SCAP: variants seen among roughly 807,000 people sequenced by gnomAD.
SCAP encodes the protein sterol regulatory element-binding protein cleavage-activating protein.
In SCAP, 65 loss-of-function variants were observed where a neutral mutation model predicts 123.6. The observed-to-expected ratio is 0.53, with a 90% CI of 0.43 to 0.65. SCAP has a LOEUF of 0.65. Ranked by LOEUF, SCAP falls within the 30% of genes least tolerant of loss-of-function variation. The pLI is 0.00. For synonymous variants in SCAP, 740 were observed against 726.3 expected, an observed-to-expected ratio of 1.02 and a Z score of -0.30; for missense variants, 1,398 against 1,712.5, an observed-to-expected ratio of 0.82 and a Z score of 3.24.
rs1705671566 is a variant in SCAP, at chr3:47,417,846, A to AGTGAGACGGGGCACGGGGGAGGGGG, written c.2448-21_2448-20insCCCCCTCCCCCGTGCCCCGTCTCAC. 2 of 1,082,830 alleles carry AGTGAGACGGGGCACGGGGGAGGGGG rather than the reference A, an allele frequency of 1.8e-6. No individual in the cohort carries two copies. Among genetic ancestry groups the AGTGAGACGGGGCACGGGGGAGGGGG allele is most frequent in the Non-Finnish European group, 2.3e-6 (2 of 869,212 alleles). The allele number at this position is 1,082,830 out of a possible 1,614,324, so 67.1% of individuals were successfully genotyped here. ...TGCCTGCTGGGGGCCAGGAGGGCGG[A>AGTGAGACGGGGCACGGGGGAGGGGG]GTGAGAGGGGGCACGGGGGAGGGGG... On this transcript the variant is annotated intron_variant, in intron 16 of 22. Coordinates refer to ENST00000265565, the MANE Select transcript of SCAP (RefSeq NM_012235.4).
intron 1 of SCAP, among the ~76,000 whole-genome samples, chr3:47,444,895 C>A (rs1706968881): frequency 6.6e-6 from 1 of 151,888 alleles, no homozygotes; most frequent in African/African-American, 2.4e-5. Flanking sequence ...ACTCAGCCTC[C>A]CAAGTAGCTG....
rs17849132 is a variant in SCAP, at chr3:47,415,199, T to C, written c.3057-19A>G. 2,896 of 1,597,738 alleles carry C rather than the reference T, an allele frequency of 1.8e-3. 77 individuals carry two copies. In the East Asian group the frequency reaches 0.046, roughly 25 times the overall value. On this transcript the variant is annotated intron_variant, in intron 18 of 22. Transcript: ENST00000265565. ...CACAATCCTGGAAGAGAAGAACAGC[T>C]GCCAGGGGCCTCTCCCTTAGAGCCC...
chr3:47,460,424 G>A (rs1185033495), intron 1 of SCAP, among the ~76,000 whole-genome samples: 2 of 152,156 alleles, frequency 1.3e-5, no homozygotes, highest in Non-Finnish European at 2.9e-5. Flanking sequence ...ATTAATTTTG[G>A]GAACTGATAT....
rs1705494247 is a variant in SCAP at position 47,414,812 on chromosome 3, C to T, written c.3306+15G>A. 6.2e-7 allele frequency: 1 copy of T among 1,600,722 alleles called. No homozygotes were observed. Among genetic ancestry groups the T allele is most frequent in the Admixed American group, 1.7e-5 (1 of 59,250 alleles). On this transcript the variant is annotated intron_variant, in intron 20 of 22. Transcript: ENST00000265565. ...CCGGGCCACTCCAGCACCCAAGAGA[C>T]AAGACAATACTCACTCTCAGTGTGT...
chr3:47,454,235 C>T (rs1051000933), intron 1 of SCAP, among the ~76,000 whole-genome samples: 3 of 151,956 alleles, frequency 2.0e-5, no homozygotes, highest in Non-Finnish European at 4.4e-5. Context: ...GGCGAGGTGG[C>T]GGGCACCTGT....
intron 1 of SCAP, among the ~76,000 whole-genome samples, chr3:47,466,442 T>A (rs1026435713): frequency 1.3e-5 from 2 of 151,886 alleles, no homozygotes; most frequent in Admixed American, 6.6e-5. Flanking sequence ...GCACTACCCA[T>A]CTAACCTGAA....
chr3:47,437,551 G>A (rs2107883700), intron 2 of SCAP, among the ~76,000 whole-genome samples: 1 of 152,052 alleles, frequency 6.6e-6, no homozygotes, highest in East Asian at 1.9e-4. Flanking sequence ...GACCAGCCTG[G>A]GCAACATGGT....
intron 1 of SCAP, among the ~76,000 whole-genome samples, chr3:47,444,153 T>A (rs1256331361): frequency 6.6e-6 from 1 of 152,226 alleles, no homozygotes; most frequent in East Asian, 1.9e-4. Context: ...TAGAAAACTC[T>A]AGGAGGCCCA....
rs1706548042 is a variant in SCAP at position 47,435,597 on chromosome 3, C to CTGGT, written c.123-464_123-461dup. 3.3e-5 allele frequency among the ~76,000 whole-genome samples: 5 copies of CTGGT among 151,716 alleles called. No individual in the cohort carries two copies. The South Asian group carries it at 1.0e-3, about 32-fold the overall frequency. On this transcript the variant is annotated intron_variant, in intron 2 of 22. Transcript: ENST00000265565. The stretch of plus-strand genomic sequence containing the variant: ...ACGGGGTTTCATCATGTTGACCAGG[C>CTGGT]TGGTCTTAAAACTCCTGACCTCAGG...
chr3:47,426,010 G>C lies in SCAP; in HGVS notation c.897C>G (p.Ile299Met). 1 of 1,614,142 alleles carries C rather than the reference G, an allele frequency of 6.2e-7. No homozygotes were observed. The highest frequency in any genetic ancestry group is 8.5e-7 in the Non-Finnish European group (1 of 1,180,012). The change falls in exon 7 of 23, where the codon ATC becomes ATG. Residue 299 changes from isoleucine (I) to methionine (M), a missense_variant. Ile to Met is a conservative substitution (Grantham distance 10, BLOSUM62 1). Around this residue, in one of 7 missense-constraint regions of SCAP, gnomAD observed 319 missense variants for 432.4 expected, o/e 0.74. Transcript: ENST00000265565. The stretch of plus-strand genomic sequence containing the variant: ...CCATGAACCTACGCGTGGAGAAGTA[G>C]ATGTAGGCAAACAAGATGATGTAGG... ...VTTYIILFAY[I>M]YFSTRKIDMV...
At chr3:47,424,133 C>T in intron 8 of SCAP, 88 bp from the exon 9 acceptor site, 1 of 955,150 alleles carries the variant, frequency 1.0e-6, no homozygotes, top group Non-Finnish European at 1.7e-6. Context: ...GGTTTCCAGC[C>T]TGTCATGGGG....
chr3:47,461,051 C>T (rs1170299895), intron 1 of SCAP, among the ~76,000 whole-genome samples: 1 of 152,162 alleles, frequency 6.6e-6, no homozygotes, highest in Non-Finnish European at 1.5e-5. Context: ...CTTCCACCAC[C>T]TTATCTCCCA....
intron 1 of SCAP, among the ~76,000 whole-genome samples, chr3:47,468,965 G>A (rs372926488): frequency 6.6e-6 from 1 of 152,182 alleles, no homozygotes; most frequent in African/African-American, 2.4e-5. Context: ...TTTCTATGTA[G>A]AATAATGAAA....
chr3:47,421,004 C>A lies in SCAP; in HGVS notation c.1271G>T (p.Gly424Val). ...IQEFCLFAVV[G>V]LVSDFFLQML... ...CTGAAGGAAGAAGTCAGACACCAGC[C>A]CCACGACAGCAAAGAGACAGAACTC... is the stretch of plus-strand genomic sequence containing the variant. Residue 424 changes from glycine to valine, a missense_variant, in exon 11 of 23, where the codon GGG becomes GTG. Physicochemically the swap from Gly to Val is moderately radical, Grantham distance 109. Coordinates refer to ENST00000265565, the MANE Select transcript of SCAP (RefSeq NM_012235.4). 1 of 1,613,828 alleles carries A rather than the reference C, an allele frequency of 6.2e-7. No individual in the cohort carries two copies. The highest frequency in any genetic ancestry group is 2.2e-5 in the East Asian group (1 of 44,884).
At chr3:47,470,829 TCCAG>T (rs1473916466) in intron 1 of SCAP, among the ~76,000 whole-genome samples, 2 of 152,034 alleles carry the variant, frequency 1.3e-5, no homozygotes, top group African/African-American at 4.8e-5. Context: ...ACCACTGCAC[TCCAG>T]CCTGGGCGAC....
rs1305171538 is a variant in SCAP at position 47,451,054 on chromosome 3, T to C, written c.-98-7963A>G. Among the ~76,000 whole-genome samples, 180 of 119,102 alleles carry C rather than the reference T, an allele frequency of 1.5e-3. 37 individuals are homozygous for C. The highest frequency in any genetic ancestry group is 2.6e-3 in the Non-Finnish European group (143 of 54,580). 78.1% of individuals were successfully genotyped at this position (119,102 alleles called of 152,430 possible). A position where few individuals can be genotyped will look rare whatever the true frequency, so the allele number is the denominator to read the frequency against. ...GTTGTGGGGAGACAGGGTCTCAATA[T>C]GTTGCCCAGGTTGGTCTTGAACTCC... On this transcript the variant is annotated intron_variant, in intron 1 of 22. Transcript: ENST00000265565.
chr3:47,416,784 G>A (rs1472785415), intron 18 of SCAP, among the ~76,000 whole-genome samples: 4 of 149,432 alleles, frequency 2.7e-5, no homozygotes, highest in African/African-American at 7.6e-5. Context: ...CCGCCACTAC[G>A]CCCGGCTAAT....
chr3:47,414,391 G>A lies in SCAP; in HGVS notation c.3388-5C>T. The stretch of plus-strand genomic sequence containing the variant: ...TCCACTGGCCAGCACCATGGTCTGG[G>A]GAAACAGGCCAGGGGAGTGGGGTCA... On this transcript the variant is annotated splice_polypyrimidine_tract_variant and splice_region_variant and intron_variant, in intron 21 of 22. Coordinates refer to ENST00000265565, the MANE Select transcript of SCAP (RefSeq NM_012235.4). 6.2e-7 allele frequency: 1 copy of A among 1,612,432 alleles called. No individual in the cohort carries two copies. Among genetic ancestry groups the A allele is most frequent in the Non-Finnish European group, 8.5e-7 (1 of 1,179,974 alleles).
chr3:47,431,600 G>A (rs149711392), intron 3 of SCAP, among the ~76,000 whole-genome samples: 1 of 151,974 alleles, frequency 6.6e-6, no homozygotes, highest in African/African-American at 2.4e-5. Context: ...CATTTTGTAG[G>A]GTGTTCCTCA....
Sources: allele counts gnomAD v4.1 joint callset (sites outside exome capture counted in the v4.1 genomes callset), GRCh38; gene constraint gnomAD v4.1.1; regional missense constraint gnomAD v4.1.1; transcripts MANE v1.5; gene names NCBI Gene and HGNC (gene_info 2026-07-23, HGNC 2026-07-21).